Variants in SND1 observed in about 807,000 individuals in gnomAD.
SND1 encodes the protein staphylococcal nuclease domain-containing protein 1.
A neutral mutation model predicts 121.7 loss-of-function variants in SND1; 38 were observed. The ratio of observed to expected loss-of-function variants is 0.31; its 90% CI spans 0.24 to 0.41. The LOEUF is 0.41. Ranked by LOEUF, SND1 falls within the 10% of genes least tolerant of loss-of-function variation. The pLI is 1.00. For missense variants in SND1, 868 were observed against 1,184.6 expected (o/e 0.73, Z 3.92); for synonymous variants, 401 against 447.4 (o/e 0.90, Z 1.31).
At chr7:127,702,325 T>C (rs1308856423) in intron 5 of SND1, 110 bp from the exon 6 acceptor site, 8 of 911,514 alleles carry the variant, frequency 8.8e-6, no homozygotes, top group Admixed American at 3.7e-5. Context: ...AGGGAGGCTT[T>C]CTCAGGGTTT....
chr7:127,958,421 C>A (rs1801650365), intron 15 of SND1, among the ~76,000 whole-genome samples: 1 of 150,984 alleles, frequency 6.6e-6, no homozygotes, highest in African/African-American at 2.5e-5. Flanking sequence ...AACTCTGGAA[C>A]TATTCAGGGC....
intron 16 of SND1, among the ~76,000 whole-genome samples, chr7:128,035,619 G>A (rs927768936): frequency 1.3e-5 from 2 of 152,194 alleles, no homozygotes; most frequent in Non-Finnish European, 2.9e-5. Flanking sequence ...AAGTAACAAT[G>A]TATGGCTAAT....
chr7:128,025,698 C>T (rs1803460244), intron 16 of SND1, among the ~76,000 whole-genome samples: 1 of 152,162 alleles, frequency 6.6e-6, no homozygotes, highest in African/African-American at 2.4e-5. Flanking sequence ...AGGAAGGTTA[C>T]TGCTGTAAAA....
Position 127,992,671 on chromosome 7 carries a change from C to T in SND1, c.1779+1615C>T, listed in dbSNP as rs186998256. On this transcript the variant is annotated intron_variant, in intron 16 of 23. Coordinates refer to ENST00000354725, the MANE Select transcript of SND1 (RefSeq NM_014390.4). Reference sequence around the variant, plus strand: ...CCATCATTGTCTTCCTACTGTTTCACATCTCCTAAAGTTTCTTTCCCATTC... The same window carrying T: ...CCATCATTGTCTTCCTACTGTTTCATATCTCCTAAAGTTTCTTTCCCATTC... Among the ~76,000 whole-genome samples the T allele has an allele frequency of 2.0e-3, 302 of 152,318 alleles. 2 individuals are homozygous for T. The highest frequency in any genetic ancestry group is 3.4e-3 in the Admixed American group (52 of 15,294).
chr7:127,820,983 C>G (rs901517980), intron 11 of SND1, among the ~76,000 whole-genome samples: 6 of 152,226 alleles, frequency 3.9e-5, no homozygotes, highest in Non-Finnish European at 8.8e-5. Context: ...TAGCTTTTCT[C>G]TGAGCCAGGT....
rs568973578 is a variant in SND1, at chr7:127,658,889, T to C, written c.78+6438T>C. On this transcript the variant is annotated intron_variant, in intron 1 of 23. Transcript: ENST00000354725. The stretch of plus-strand genomic sequence containing the variant: ...AGGTTTTTGAATTCAGGTAACAAGG[T>C]ATCTAAGGCCTGTTGTCCACTCACT... Among the ~76,000 whole-genome samples, 4 of 152,350 alleles carry C rather than the reference T, an allele frequency of 2.6e-5. No individual in the cohort carries two copies. In the South Asian group the frequency reaches 8.3e-4, roughly 32 times the overall value.
At chr7:127,959,254 T>C (rs558294174) in intron 15 of SND1, among the ~76,000 whole-genome samples, 2 of 152,346 alleles carry the variant, frequency 1.3e-5, no homozygotes, top group South Asian at 2.1e-4. Flanking sequence ...TGCAGTGTGC[T>C]AGCCAGATCC....
chr7:127,749,163 A>G (rs984280948), intron 10 of SND1, among the ~76,000 whole-genome samples: 2 of 148,712 alleles, frequency 1.3e-5, no homozygotes, highest in Non-Finnish European at 3.0e-5. Flanking sequence ...CCTCCCAACT[A>G]GCTGGGATTA....
At chr7:127,933,676 A>G (rs1489800840) in intron 15 of SND1, among the ~76,000 whole-genome samples, 3 of 152,356 alleles carry the variant, frequency 2.0e-5, no homozygotes, top group African/African-American at 7.2e-5. Context: ...ATCAATAAAT[A>G]TGATCCTTCC....
intron 1 of SND1, among the ~76,000 whole-genome samples, chr7:127,667,224 T>C (rs1046012879): frequency 1.3e-5 from 2 of 152,174 alleles, no homozygotes; most frequent in African/African-American, 4.8e-5. Context: ...TGAGTAATAC[T>C]GAGTATTATA....
intron 15 of SND1, among the ~76,000 whole-genome samples, chr7:127,962,376 G>A (rs1339803612): frequency 6.6e-6 from 1 of 152,172 alleles, no homozygotes; most frequent in South Asian, 2.1e-4. Flanking sequence ...TTCTCTGGAC[G>A]TGTGCAGAGT....
At chr7:127,763,958 CT>C (rs1797357050) in intron 10 of SND1, among the ~76,000 whole-genome samples, 2 of 145,334 alleles carry the variant, frequency 1.4e-5, no homozygotes, top group African/African-American at 5.1e-5. Flanking sequence ...GTCCCAGCTA[CT>C]TTGGAGGCTG....
intron 16 of SND1, among the ~76,000 whole-genome samples, chr7:128,032,577 C>T (rs1184847477): frequency 2.6e-5 from 4 of 151,950 alleles, no homozygotes; most frequent in Admixed American, 2.0e-4. Flanking sequence ...CTCTGAAGAG[C>T]GGGGCTCAGG....
At chr7:127,901,506 C>T (rs894459922) in intron 13 of SND1, among the ~76,000 whole-genome samples, 1 of 152,112 alleles carries the variant, frequency 6.6e-6, no homozygotes, top group Non-Finnish European at 1.5e-5. Flanking sequence ...AGTGAAGAAG[C>T]CTCTGCACAG....
chr7:127,827,389 T>C (rs1178117588), intron 11 of SND1, among the ~76,000 whole-genome samples: 3 of 152,262 alleles, frequency 2.0e-5, no homozygotes. Context: ...TTTACTGTTT[T>C]ATAACCTAGC....
intron 15 of SND1, among the ~76,000 whole-genome samples, chr7:127,950,688 C>T (rs914129115): frequency 2.0e-5 from 3 of 152,160 alleles, no homozygotes; most frequent in Admixed American, 6.5e-5. Context: ...AGGTGCAGAG[C>T]TCTTAGTGTG....
At chr7:127,949,004 A>G (rs1211902308) in intron 15 of SND1, 1 of 152,256 alleles carries the variant, frequency 6.6e-6, no homozygotes, top group Non-Finnish European at 1.5e-5. Context: ...GTGGTATATT[A>G]AGGGTTCACC....
intron 11 of SND1, among the ~76,000 whole-genome samples, chr7:127,822,953 G>A (rs1025974075): frequency 6.6e-6 from 1 of 152,242 alleles, no homozygotes; most frequent in African/African-American, 2.4e-5. Flanking sequence ...ACCATTAAAT[G>A]AGGTAATATA....
At chr7:128,055,691 C>A (rs1793130549) in intron 16 of SND1, among the ~76,000 whole-genome samples, 1 of 152,174 alleles carries the variant, frequency 6.6e-6, no homozygotes, top group Non-Finnish European at 1.5e-5. Flanking sequence ...CTGAGGGAAA[C>A]TGAAGCTTCC....
Sources: gnomAD v4.1 joint callset for allele counts (sites outside exome capture counted in the v4.1 genomes callset) on GRCh38, gnomAD v4.1.1 for gene constraint, MANE v1.5 for transcripts, NCBI Gene and HGNC (gene_info 2026-07-23, HGNC 2026-07-21) for gene names.